Variants in ADCY8 observed in about 807,000 individuals in gnomAD.
ADCY8 encodes adenylate cyclase 8, also known as adenylate cyclase type 8.
A neutral mutation model predicts 119.7 loss-of-function variants in ADCY8; 51 were observed. The ratio of observed to expected loss-of-function variants is 0.43; its 90% CI spans 0.34 to 0.54. The LOEUF is 0.54. ADCY8 is among the 20% of genes least tolerant of loss of function. The pLI, the probability that ADCY8 is intolerant of heterozygous loss-of-function variation, is 0.03. For missense variants in ADCY8, 1,383 were observed against 1,598.8 expected (o/e 0.87, Z 2.30); for synonymous variants, 665 against 651.0 (o/e 1.02, Z -0.33).
chr8:130,977,148 G>C (rs1321528883), intron 2 of ADCY8, among the ~76,000 whole-genome samples: 3 of 152,196 alleles, frequency 2.0e-5, no homozygotes, highest in Non-Finnish European at 4.4e-5. Context: ...AACTGCCCGG[G>C]TCGGGTGTGA....
intron 2 of ADCY8, among the ~76,000 whole-genome samples, chr8:130,978,283 G>T (rs185463201): frequency 1.3e-5 from 2 of 152,220 alleles, no homozygotes; most frequent in East Asian, 3.9e-4. Flanking sequence ...ATATACAAAA[G>T]ACATGGCTCC....
intron 1 of ADCY8, among the ~76,000 whole-genome samples, chr8:130,992,408 T>TGCCTGGC (rs1563759075): frequency 1.5e-4 from 5 of 33,208 alleles, no homozygotes; most frequent in African/African-American, 6.0e-4. Flanking sequence ...TATATATATA[T>TGCCTGGC]ATATATATAT....
Position 130,903,888 on chromosome 8 carries a change from C to T in ADCY8, c.1795G>A (p.Glu599Lys), listed in dbSNP as rs766510118. 53 of 1,613,990 alleles carry T rather than the reference C, an allele frequency of 3.3e-5. No individual in the cohort carries two copies. The highest frequency in any genetic ancestry group is 4.2e-5 in the Non-Finnish European group (49 of 1,180,024). Reference sequence around the variant, plus strand: ...CTCACTGACTCCTTGACGATATCTTCAGGCAAGGACAGCAGACTGTCCTCA... The same window carrying T: ...CTCACTGACTCCTTGACGATATCTTTAGGCAAGGACAGCAGACTGTCCTCA... Reference protein sequence around the residue: ...QPEDSLLSLPEDIVKESVSSS... With the variant: ...QPEDSLLSLPKDIVKESVSSS... Residue 599 changes from glutamate to lysine, a missense_variant, in exon 7 of 18, where the codon GAA becomes AAA. By Grantham distance (56) the Glu-to-Lys change is moderately conservative (BLOSUM62 1). Around this residue, in one of 2 missense-constraint regions of ADCY8, gnomAD observed 928 missense variants for 1,163.5 expected, o/e 0.80. Coordinates refer to ENST00000286355, the MANE Select transcript of ADCY8 (RefSeq NM_001115.3).
chr8:130,980,515 T>G (rs1035150387), intron 2 of ADCY8, among the ~76,000 whole-genome samples: 4 of 152,056 alleles, frequency 2.6e-5, no homozygotes, highest in African/African-American at 7.2e-5. Flanking sequence ...AAAAGATGGA[T>G]GAGAAAGAGA....
intron 13 of ADCY8, among the ~76,000 whole-genome samples, chr8:130,814,805 C>T (rs1816284951): frequency 2.0e-5 from 3 of 152,280 alleles, no homozygotes; most frequent in South Asian, 4.1e-4. Context: ...TTATCTCCAC[C>T]TGGACCCATC....
At chr8:130,926,056 C>T (rs571649702) in intron 5 of ADCY8, among the ~76,000 whole-genome samples, 11 of 152,286 alleles carry the variant, frequency 7.2e-5, no homozygotes, top group African/African-American at 2.6e-4. Context: ...AGGGATAAAG[C>T]CCCAGCGTAT....
At chr8:130,856,744 C>A (rs1029618759) in intron 9 of ADCY8, among the ~76,000 whole-genome samples, 1 of 152,056 alleles carries the variant, frequency 6.6e-6, no homozygotes, top group Non-Finnish European at 1.5e-5. Flanking sequence ...TACACCTGGA[C>A]AGATACATAT....
intron 8 of ADCY8, among the ~76,000 whole-genome samples, chr8:130,873,346 T>A (rs1473026387): frequency 1.3e-5 from 2 of 152,292 alleles, no homozygotes; most frequent in Admixed American, 1.3e-4. Context: ...AGACACGAGT[T>A]TCACTCTTCT....
At chr8:130,900,257 C>G (rs1819551386) in intron 7 of ADCY8, among the ~76,000 whole-genome samples, 1 of 152,214 alleles carries the variant, frequency 6.6e-6, no homozygotes, top group Non-Finnish European at 1.5e-5. Flanking sequence ...AGACAAGACA[C>G]AGCATCAAAA....
chr8:130,830,915 T>C (rs771827270), intron 12 of ADCY8, among the ~76,000 whole-genome samples: 3 of 152,246 alleles, frequency 2.0e-5, no homozygotes, highest in Middle Eastern at 3.2e-3. Context: ...ATTTTGCCTA[T>C]GTTTTAAGAA....
chr8:130,928,420 C>T (rs1320952726), intron 5 of ADCY8, among the ~76,000 whole-genome samples: 1 of 152,088 alleles, frequency 6.6e-6, no homozygotes, highest in South Asian at 2.1e-4. Context: ...TTGTCATATA[C>T]ATGGCCTTTA....
At chr8:130,806,950 C>G (rs1385276831) in intron 14 of ADCY8, among the ~76,000 whole-genome samples, 1 of 152,200 alleles carries the variant, frequency 6.6e-6, no homozygotes, top group Non-Finnish European at 1.5e-5. Context: ...TCAACTCACT[C>G]CAGTCAACAG....
At chr8:130,842,948 C>A (rs72712467) in intron 11 of ADCY8, among the ~76,000 whole-genome samples, 5,003 of 150,506 alleles carry the variant, frequency 0.033, 114 homozygotes, top group South Asian at 0.082. Context: ...GATTTTTTTC[C>A]CTCATTATCA....
At chr8:130,935,535 T>G (rs1820757860) in intron 5 of ADCY8, 1 of 152,298 alleles carries the variant, frequency 6.6e-6, no homozygotes, top group South Asian at 2.1e-4. Flanking sequence ...CTGTGCCTGG[T>G]CTGGTGAGTT....
At chr8:130,807,349 TAGAG>T (rs1275458386) in intron 14 of ADCY8, among the ~76,000 whole-genome samples, 1 of 152,210 alleles carries the variant, frequency 6.6e-6, no homozygotes, top group Non-Finnish European at 1.5e-5. Context: ...GTCACCTCCT[TAGAG>T]AGAGCTTCCA....
chr8:130,820,822 G>C (rs1816486673), intron 13 of ADCY8, among the ~76,000 whole-genome samples: 1 of 152,174 alleles, frequency 6.6e-6, no homozygotes, highest in Admixed American at 6.5e-5. Context: ...GCAAGTCAGT[G>C]CACAAAATTC....
rs756126755 is a variant in ADCY8 at position 131,040,236 on chromosome 8, G to A, written c.98C>T (p.Pro33Leu). The change falls in exon 1 of 18, where the codon CCG (proline) becomes CTG (leucine). Residue 33 changes from proline to leucine, a missense_variant. Coordinates refer to ENST00000286355, the MANE Select transcript of ADCY8 (RefSeq NM_001115.3). ...CGCCGTCTGCCACAGCAGCCGCTGC[G>A]GCCGGGAGGCGCTCCTGCCGTCGCC... ...PAGDGRSASR[P>L]QRLLWQTAVR... 19 of 1,544,788 alleles carry A rather than the reference G, an allele frequency of 1.2e-5. No individual in the cohort carries two copies. In the Admixed American group the frequency reaches 1.7e-4, roughly 14 times the overall value.
chr8:130,983,538 T>C (rs1046496609), intron 2 of ADCY8, among the ~76,000 whole-genome samples: 1 of 152,096 alleles, frequency 6.6e-6, no homozygotes, highest in African/African-American at 2.4e-5. Context: ...GTGCGGGGCA[T>C]CTTTGCTGGG....
chr8:130,808,194 C>T (rs988021216), intron 14 of ADCY8, among the ~76,000 whole-genome samples: 6 of 152,072 alleles, frequency 3.9e-5, no homozygotes, highest in African/African-American at 1.4e-4. Flanking sequence ...TGTCTTCCCA[C>T]AGAAACACAT....
Sources: allele counts gnomAD v4.1 joint callset (sites outside exome capture counted in the v4.1 genomes callset), GRCh38; gene constraint gnomAD v4.1.1; regional missense constraint gnomAD v4.1.1; transcripts MANE v1.5; gene names NCBI Gene and HGNC (gene_info 2026-07-23, HGNC 2026-07-21).